The following CDH12 variants were observed in gnomAD, a reference collection of about 807,000 sequenced individuals.
The protein encoded by CDH12 is cadherin 12.
In CDH12, 41 loss-of-function variants were observed where a neutral mutation model predicts 74.1. That is an observed-to-expected ratio of 0.55 (90% CI 0.43 to 0.72). The LOEUF is 0.72. CDH12 is among the 30% of genes least tolerant of loss of function. CDH12 has a pLI of 0.00. For synonymous variants in CDH12, 399 were observed against 355.0 expected (o/e 1.12, Z -1.39); for missense variants, 945 against 977.2 (o/e 0.97, Z 0.44).
chr5:21,758,545 G>T (rs1744534458), intron 13 of CDH12, among the ~76,000 whole-genome samples: 1 of 152,024 alleles, frequency 6.6e-6, no homozygotes, highest in South Asian at 2.1e-4. Flanking sequence ...GTGTTTTGAT[G>T]ATTATTTTAG....
At chr5:22,420,770 AAT>A in intron 2 of CDH12, among the ~76,000 whole-genome samples, 1 of 152,234 alleles carries the variant, frequency 6.6e-6, no homozygotes, top group South Asian at 2.1e-4. Context: ...TGAATCTATA[AAT>A]TACTTTCAGC....
At chr5:22,125,093 C>A (rs1420973367) in intron 4 of CDH12, among the ~76,000 whole-genome samples, 1 of 151,820 alleles carries the variant, frequency 6.6e-6, no homozygotes, top group Non-Finnish European at 1.5e-5. Context: ...GGGTTTGATA[C>A]AACCATTTTT....
At chr5:22,222,731 G>T (rs933925166) in intron 3 of CDH12, among the ~76,000 whole-genome samples, 1 of 151,656 alleles carries the variant, frequency 6.6e-6, no homozygotes, top group South Asian at 2.1e-4. Flanking sequence ...CTTTCAGTTG[G>T]TTGTAGGATG....
intron 6 of CDH12, among the ~76,000 whole-genome samples, chr5:21,948,302 C>G (rs1227394211): frequency 1.3e-5 from 2 of 152,162 alleles, no homozygotes; most frequent in East Asian, 3.9e-4. Context: ...TCAATGCCAG[C>G]CTGTGAAGGA....
intron 4 of CDH12, among the ~76,000 whole-genome samples, chr5:22,112,443 A>ATTATG (rs1309485410): frequency 2.6e-5 from 4 of 152,110 alleles, no homozygotes; most frequent in African/African-American, 9.7e-5. Flanking sequence ...CCCACTTTTG[A>ATTATG]TTATGTTTTT....
At chr5:22,036,234 G>A (rs935278196) in intron 5 of CDH12, among the ~76,000 whole-genome samples, 1 of 152,092 alleles carries the variant, frequency 6.6e-6, no homozygotes, top group Non-Finnish European at 1.5e-5. Flanking sequence ...TGCACCTACT[G>A]CTTATGGTGA....
chr5:21,794,378 ACTT>A (rs2149911896), intron 10 of CDH12, among the ~76,000 whole-genome samples: 1 of 151,844 alleles, frequency 6.6e-6, no homozygotes, highest in South Asian at 2.1e-4. Context: ...TTGCAAAGAG[ACTT>A]CATGCAAAAA....
chr5:21,933,854 G>A (rs1754955086), intron 6 of CDH12, among the ~76,000 whole-genome samples: 1 of 152,146 alleles, frequency 6.6e-6, no homozygotes, highest in African/African-American at 2.4e-5. Context: ...TTTGTTCACT[G>A]AACTCAAACG....
In CDH12 at chr5:21,833,202, A is replaced by ATT. The variant is rs1349585762; in HGVS notation, c.814+8958_814+8959insAA. On this transcript the variant is annotated intron_variant, in intron 8 of 14. Coordinates refer to ENST00000382254, the MANE Select transcript of CDH12 (RefSeq NM_004061.5). ...ATATATTATATAACATATAATATATATATTATAATATATATTATATGTTAT... is the reference window on the plus strand; with the variant it reads ...ATATATTATATAACATATAATATATATTTATTATAATATATATTATATGTTAT... 8.3e-3 allele frequency among the ~76,000 whole-genome samples: 367 copies of ATT among 43,988 alleles called. 149 individuals carry two copies. The highest frequency in any genetic ancestry group is 0.024 in the African/African-American group (113 of 4,620). 28.9% of individuals were successfully genotyped at this position (43,988 alleles called of 152,430 possible). A position where few individuals can be genotyped will look rare whatever the true frequency, so the allele number is the denominator to read the frequency against.
At chr5:21,827,431 G>A (rs1468633569) in intron 8 of CDH12, among the ~76,000 whole-genome samples, 1 of 152,094 alleles carries the variant, frequency 6.6e-6, no homozygotes, top group Non-Finnish European at 1.5e-5. Flanking sequence ...GGTTCTAGAA[G>A]AGGATAGGGC....
At chr5:22,792,354 G>A (rs1432250742) in intron 1 of CDH12, among the ~76,000 whole-genome samples, 1 of 152,144 alleles carries the variant, frequency 6.6e-6, no homozygotes, top group African/African-American at 2.4e-5. Context: ...CTCCCAAAGT[G>A]CTGGGACTGC....
chr5:22,234,811 C>T (rs1424372273), intron 3 of CDH12, among the ~76,000 whole-genome samples: 1 of 151,856 alleles, frequency 6.6e-6, no homozygotes, highest in Non-Finnish European at 1.5e-5. Context: ...ATAAAACACA[C>T]AAATGTCAAT....
At chr5:22,524,779 ATATTT>A (rs1002172362) in intron 1 of CDH12, among the ~76,000 whole-genome samples, 1 of 152,008 alleles carries the variant, frequency 6.6e-6, no homozygotes, top group African/African-American at 2.4e-5. Flanking sequence ...GTCACATCTC[ATATTT>A]TATTTTATTT....
At chr5:22,692,186 A>G (rs893269301) in intron 1 of CDH12, among the ~76,000 whole-genome samples, 9 of 152,156 alleles carry the variant, frequency 5.9e-5, no homozygotes, top group Non-Finnish European at 7.3e-5. Flanking sequence ...AGCTCCCTCC[A>G]TCAGCTCCCC....
At chr5:22,245,602 C>T (rs1202202029) in intron 3 of CDH12, among the ~76,000 whole-genome samples, 1 of 151,808 alleles carries the variant, frequency 6.6e-6, no homozygotes, top group Non-Finnish European at 1.5e-5. Flanking sequence ...GTAAGAACTA[C>T]AGACTTAAAT....
intron 6 of CDH12, among the ~76,000 whole-genome samples, chr5:21,958,677 T>C (rs1756211282): frequency 6.6e-6 from 1 of 152,198 alleles, no homozygotes; most frequent in South Asian, 2.1e-4. Context: ...GCCAGTACCA[T>C]GCTGTTTTGG....
intron 1 of CDH12, among the ~76,000 whole-genome samples, chr5:22,846,237 G>C (rs1213760325): frequency 6.6e-6 from 1 of 152,150 alleles, no homozygotes; most frequent in Non-Finnish European, 1.5e-5. Flanking sequence ...GTCTGGTTTT[G>C]AACAAGTTGG....
chr5:22,105,270 T>A (rs991042342), intron 4 of CDH12, among the ~76,000 whole-genome samples: 24 of 151,538 alleles, frequency 1.6e-4, no homozygotes, highest in African/African-American at 5.6e-4. Context: ...TTTTTTTATA[T>A]TTTCAGTAGA....
chr5:22,086,865 G>T, intron 4 of CDH12, among the ~76,000 whole-genome samples: 1 of 152,116 alleles, frequency 6.6e-6, no homozygotes, highest in East Asian at 1.9e-4. Context: ...TTTGTGGTGT[G>T]ATTTTAACTG....
Sources: allele counts gnomAD v4.1 joint callset (sites outside exome capture counted in the v4.1 genomes callset), GRCh38; gene constraint gnomAD v4.1.1; transcripts MANE v1.5; gene names NCBI Gene and HGNC (gene_info 2026-07-23, HGNC 2026-07-21).